Variants in CCDC38 observed in about 807,000 individuals in gnomAD.
The protein encoded by CCDC38 is coiled-coil domain-containing protein 38.
CCDC38 carries 69 observed loss-of-function variants against 72.8 expected under a neutral mutation model. That is an observed-to-expected ratio of 0.95 (90% CI 0.78 to 1.16). The LOEUF is 1.16. CCDC38 is among the 50% of genes most tolerant of loss of function. The probability of loss-of-function intolerance (pLI) is 0.00; values close to 1 mark genes in which losing one functional copy is unlikely to be tolerated. For synonymous variants in CCDC38, 201 were observed against 213.2 expected (o/e 0.94, Z 0.50); for missense variants, 626 against 638.9 (o/e 0.98, Z 0.22).
chr12:95,891,581 C>G (rs1451754622), intron 8 of CCDC38, among the ~76,000 whole-genome samples: 2 of 152,142 alleles, frequency 1.3e-5, no homozygotes, highest in Non-Finnish European at 2.9e-5. Context: ...CTCCTCGGCT[C>G]AAGCACCCCG....
At chr12:95,900,779 C>T (rs1482724253) in intron 5 of CCDC38, among the ~76,000 whole-genome samples, 6 of 152,164 alleles carry the variant, frequency 3.9e-5, no homozygotes, top group Admixed American at 2.6e-4. Flanking sequence ...AAAAATCCCC[C>T]TTTAAAAATG....
In CCDC38 at chr12:95,867,095, TC is replaced by T; in HGVS notation, c.1672del (p.Glu558LysfsTer8). 2 of 1,584,336 alleles carry T rather than the reference TC, an allele frequency of 1.3e-6. No individual in the cohort carries two copies. The highest frequency in any genetic ancestry group is 1.3e-5 in the African/African-American group (1 of 74,418). On this transcript the variant is annotated frameshift_variant, in exon 16 of 16. Transcript: ENST00000344280. LOFTEE classifies it high-confidence loss of function. ...VNETKTKSQE[E>X]EYFFT Reference sequence around the variant, plus strand: ...TTTTATTCAAGTAAAAAAATATTCTTCCTCTTGTGATTTTGTTTTTGTTTCA... The same window carrying T: ...TTTTATTCAAGTAAAAAAATATTCTTCTCTTGTGATTTTGTTTTTGTTTCA...
chr12:95,875,289 G>C (rs904933030), intron 13 of CCDC38, among the ~76,000 whole-genome samples: 1 of 152,148 alleles, frequency 6.6e-6, no homozygotes, highest in African/African-American at 2.4e-5. Flanking sequence ...GGTAGCACAC[G>C]GGTGTGTTTG....
intron 4 of CCDC38, among the ~76,000 whole-genome samples, chr12:95,907,476 G>A (rs1450036313): frequency 8.6e-6 from 1 of 115,674 alleles, no homozygotes; most frequent in Non-Finnish European, 1.7e-5. Context: ...CTCCCTCCCG[G>A]ATGGGGCGGC....
chr12:95,901,551 G>C (rs750673079), intron 5 of CCDC38, among the ~76,000 whole-genome samples: 2 of 152,152 alleles, frequency 1.3e-5, no homozygotes, highest in Non-Finnish European at 1.5e-5. Flanking sequence ...ATGGGCCCTG[G>C]ACATTCCAAC....
intron 14 of CCDC38, among the ~76,000 whole-genome samples, chr12:95,870,425 A>G (rs776840235): frequency 1.3e-5 from 2 of 152,204 alleles, no homozygotes; most frequent in Non-Finnish European, 2.9e-5. Context: ...ATGATATTCT[A>G]AGTGTAAGGT....
intron 2 of CCDC38, chr12:95,934,944 G>A (rs965267670): frequency 6.6e-6 from 1 of 152,190 alleles, no homozygotes; most frequent in South Asian, 2.1e-4. Context: ...GGAGGCGGAG[G>A]TTGCAGTGAG....
At chr12:95,924,397 TC>T (rs1430244314) in intron 2 of CCDC38, among the ~76,000 whole-genome samples, 2 of 144,490 alleles carry the variant, frequency 1.4e-5, no homozygotes, top group Non-Finnish European at 3.0e-5. Flanking sequence ...GTTGTTTTTT[TC>T]TTGTAAATTT....
intron 5 of CCDC38, among the ~76,000 whole-genome samples, chr12:95,901,093 A>G (rs995669128): frequency 6.6e-6 from 1 of 152,216 alleles, no homozygotes; most frequent in Non-Finnish European, 1.5e-5. Flanking sequence ...TAACCCTAAT[A>G]CATGCTAGAG....
At chr12:95,898,790 C>CA in intron 5 of CCDC38, 59 bp from the exon 6 acceptor site, 1 of 1,478,090 alleles carries the variant, frequency 6.8e-7, no homozygotes, top group Non-Finnish European at 9.3e-7. Flanking sequence ...GTAATTTCAA[C>CA]AGTCTTATAC....
At chr12:95,930,311 A>C (rs2080324215) in intron 2 of CCDC38, among the ~76,000 whole-genome samples, 1 of 151,990 alleles carries the variant, frequency 6.6e-6, no homozygotes, top group South Asian at 2.1e-4. Context: ...GTAGTCTCTC[A>C]CAGTTCTGGA....
rs556742752 is a variant in CCDC38, at chr12:95,889,837, C to G, written c.871+995G>C. 6.6e-5 allele frequency among the ~76,000 whole-genome samples: 10 copies of G among 152,248 alleles called. No homozygotes were observed. The East Asian group carries it at 1.9e-3, about 29-fold the overall frequency. ...CCCAACTTGATCCCAGACTTCAGAT[C>G]TTGTGGTTTTCAAGAGAAGATAGAA... On this transcript the variant is annotated intron_variant, in intron 9 of 15. Transcript: ENST00000344280.
In CCDC38 at chr12:95,906,404, C is replaced by G. The variant is rs2080001340; in HGVS notation, c.352G>C (p.Asp118His). ...TVHEFINDQRDRFLLEYALST... is the reference protein window; with the variant it reads ...TVHEFINDQRHRFLLEYALST... Reference sequence around the variant, plus strand: ...TTTACTACCTCGAGCAGAAACCTGTCTCTCTGGTCATTAATAAATTCATGG... The same window carrying G: ...TTTACTACCTCGAGCAGAAACCTGTGTCTCTGGTCATTAATAAATTCATGG... Residue 118 changes from aspartate to histidine, a missense_variant, in exon 5 of 16, where the codon GAC becomes CAC. By Grantham distance (81) the Asp-to-His change is moderately conservative. Transcript: ENST00000344280. The G allele has an allele frequency of 5.6e-6, 9 of 1,612,934 alleles. No homozygotes were observed. The highest frequency in any genetic ancestry group is 7.6e-6 in the Non-Finnish European group (9 of 1,179,226).
chr12:95,927,548 G>C (rs4762253), intron 2 of CCDC38, among the ~76,000 whole-genome samples: 3 of 151,602 alleles, frequency 2.0e-5, no homozygotes, highest in Non-Finnish European at 4.4e-5. Context: ...ATTTGAGGTT[G>C]ATATTGTTAT....
chr12:95,879,759 G>GT lies in CCDC38; in HGVS notation c.1026dup (p.Leu343ThrfsTer23), dbSNP rs751192790. On this transcript the variant is annotated frameshift_variant, in exon 12 of 16. Coordinates refer to ENST00000344280, the MANE Select transcript of CCDC38 (RefSeq NM_182496.3). LOFTEE classifies it high-confidence loss of function. This position sits in a 1 kb window ranked among gnomAD's most constrained non-coding sequence, Gnocchi z 5.5. ...TCTTCCAGCTCTCTGAGGACTTGAA[G>GT]TAACTCCTCTGGTTCCTTGAAATAA... 3.1e-6 allele frequency: 5 copies of GT among 1,611,948 alleles called. No homozygotes were observed. The highest frequency in any genetic ancestry group is 4.2e-6 in the Non-Finnish European group (5 of 1,178,546).
At chr12:95,868,251 A>G (rs890515918) in intron 15 of CCDC38, among the ~76,000 whole-genome samples, 2 of 152,110 alleles carry the variant, frequency 1.3e-5, no homozygotes, top group Non-Finnish European at 2.9e-5. Flanking sequence ...CTGTTAATTC[A>G]CTACACATCA....
intron 2 of CCDC38, among the ~76,000 whole-genome samples, chr12:95,922,639 G>T (rs2080221800): frequency 1.3e-5 from 2 of 152,324 alleles, no homozygotes; most frequent in South Asian, 4.1e-4. Context: ...GCAAGAGCAA[G>T]AGGATTTATG....
chr12:95,885,495 C>A, intron 10 of CCDC38: 1 of 179,520 alleles, frequency 5.6e-6, no homozygotes, highest in South Asian at 1.7e-4. Context: ...CTTATCCTGT[C>A]ACTTCTTGTG....
At chr12:95,905,437 T>A (rs192334425) in intron 5 of CCDC38, among the ~76,000 whole-genome samples, 1 of 152,332 alleles carries the variant, frequency 6.6e-6, no homozygotes, top group East Asian at 1.9e-4. Context: ...GACTTTATAA[T>A]AAAGATCAAA....
Sources: gnomAD v4.1 joint callset for allele counts (sites outside exome capture counted in the v4.1 genomes callset) on GRCh38, gnomAD v4.1.1 for gene constraint, Gnocchi (gnomAD v3.1) non-coding constraint, MANE v1.5 for transcripts, NCBI Gene and HGNC (gene_info 2026-07-23, HGNC 2026-07-21) for gene names.